PPP2R2B: variants seen among roughly 807,000 people sequenced by gnomAD.
The protein encoded by PPP2R2B is serine/threonine-protein phosphatase 2A 55 kDa regulatory subunit B beta isoform.
A neutral mutation model predicts 46.0 loss-of-function variants in PPP2R2B; 5 were observed. The observed-to-expected ratio is 0.11, with a 90% confidence interval of 0.06 to 0.23. The LOEUF is 0.23. Ranked by LOEUF, PPP2R2B falls within the 10% of genes least tolerant of loss-of-function variation. The probability of loss-of-function intolerance (pLI) is 1.00; values close to 1 mark genes in which losing one functional copy is unlikely to be tolerated. For missense variants in PPP2R2B, 367 were observed against 575.0 expected, an observed-to-expected ratio of 0.64 and a Z score of 3.70; for synonymous variants, 215 against 206.7, an observed-to-expected ratio of 1.04 and a Z score of -0.34.
At chr5:147,027,660 G>A (rs1182008773) in intron 1 of PPP2R2B, among the ~76,000 whole-genome samples, 1 of 150,904 alleles carries the variant, frequency 6.6e-6, no homozygotes, top group Non-Finnish European at 1.5e-5. Flanking sequence ...AATTTAGTGT[G>A]GATGGCTAAG....
chr5:146,789,371 G>T (rs914789236), intron 2 of PPP2R2B, among the ~76,000 whole-genome samples: 1 of 152,024 alleles, frequency 6.6e-6, no homozygotes, highest in Non-Finnish European at 1.5e-5. Flanking sequence ...TTTTAGAATC[G>T]AGTAACATGG....
chr5:146,908,897 G>A (rs912411589), intron 1 of PPP2R2B, among the ~76,000 whole-genome samples: 1 of 152,010 alleles, frequency 6.6e-6, no homozygotes, highest in Non-Finnish European at 1.5e-5. Context: ...AAACTCTTGG[G>A]CTCAAGTGAT....
At chr5:146,881,301 C>A (rs6580443), upstream of PPP2R2B, among the ~76,000 whole-genome samples, 19 of 152,036 alleles carry the variant, frequency 1.2e-4, no homozygotes, top group Middle Eastern at 3.4e-3. Context: ...TGTTTTCTGC[C>A]TCCACATTTT....
At chr5:146,795,811 GAAAAAGTCAATTTGCATGACT>G (rs1756495327) in intron 2 of PPP2R2B, among the ~76,000 whole-genome samples, 1 of 152,094 alleles carries the variant, frequency 6.6e-6, no homozygotes, top group Non-Finnish European at 1.5e-5. Flanking sequence ...TCTCAAAGCT[GAAAAAGTCAATTTGCATGACT>G]AAAAAACAGA....
chr5:146,752,188 G>A (rs915746380), intron 2 of PPP2R2B, among the ~76,000 whole-genome samples: 23 of 152,254 alleles, frequency 1.5e-4, no homozygotes, highest in African/African-American at 5.3e-4. Context: ...ATCAGCTTGA[G>A]ACGCTGTCAA....
intron 5 of PPP2R2B, among the ~76,000 whole-genome samples, chr5:146,687,129 C>T (rs762921783): frequency 2.0e-5 from 3 of 151,390 alleles, no homozygotes; most frequent in African/African-American, 7.3e-5. Context: ...AGCGATTGAT[C>T]GATTAATCCC....
intron 5 of PPP2R2B, among the ~76,000 whole-genome samples, chr5:146,658,083 A>G (rs1476646518): frequency 6.6e-6 from 1 of 152,048 alleles, no homozygotes; most frequent in Non-Finnish European, 1.5e-5. Flanking sequence ...GCAATATGTA[A>G]CCCCCTCCTT....
chr5:146,845,315 T>TTG lies in PPP2R2B; in HGVS notation c.70+32686_70+32687insCA, dbSNP rs1554144662. On this transcript the variant is annotated intron_variant, in intron 2 of 9. Coordinates refer to ENST00000394411, the MANE Select transcript of PPP2R2B (RefSeq NM_181675.4). The stretch of plus-strand genomic sequence containing the variant: ...TTTTCTTTTCCTTTTCTTTTTTTTG[T>TTG]TTTTTTTTGAGATGGAGTCTCACTC... 9.6e-5 allele frequency among the ~76,000 whole-genome samples: 12 copies of TTG among 125,522 alleles called. 1 individual carries two copies. The highest frequency in any genetic ancestry group is 2.3e-4 in the East Asian group (1 of 4,332). 82.3% of individuals were successfully genotyped at this position (125,522 alleles called of 152,430 possible). A position where few individuals can be genotyped will look rare whatever the true frequency, so the allele number is the denominator to read the frequency against.
chr5:146,715,587 A>G (rs575596424), intron 2 of PPP2R2B, among the ~76,000 whole-genome samples: 1 of 152,138 alleles, frequency 6.6e-6, no homozygotes, highest in Non-Finnish European at 1.5e-5. Context: ...CTTAATTGTC[A>G]CTCAAACTCC....
At chr5:146,648,051 C>G (rs1294328190) in intron 6 of PPP2R2B, among the ~76,000 whole-genome samples, 1 of 152,220 alleles carries the variant, frequency 6.6e-6, no homozygotes, top group African/African-American at 2.4e-5. Flanking sequence ...GACTAGCTAG[C>G]TGTGTACCAA....
chr5:146,711,108 A>G (rs1052660581), intron 2 of PPP2R2B, among the ~76,000 whole-genome samples: 1 of 152,192 alleles, frequency 6.6e-6, no homozygotes, highest in Admixed American at 6.5e-5. Flanking sequence ...ATTTATCACA[A>G]TGATATTAGA....
chr5:146,846,099 G>T (rs1759987121), intron 2 of PPP2R2B, among the ~76,000 whole-genome samples: 1 of 152,080 alleles, frequency 6.6e-6, no homozygotes, highest in Admixed American at 6.6e-5. Flanking sequence ...ATTTTATCTG[G>T]CCAGGTGCAG....
rs1770010376 is a variant in PPP2R2B, at chr5:146,583,812, T to A, written c.*6135A>T. ...AGCCCCTGTTCCCTTCTACTCCAGC[T>A]TCCTCAGTCTTCCATGACTCCCACA... is the stretch of plus-strand genomic sequence containing the variant. On this transcript the variant is annotated 3_prime_UTR_variant, in exon 10 of 10. Transcript: ENST00000394411. 1 of 152,226 alleles carries A rather than the reference T, an allele frequency of 6.6e-6. No homozygotes were observed. Among genetic ancestry groups the A allele is most frequent in the African/African-American group, 2.4e-5 (1 of 41,462 alleles). The allele number at this position is 152,226 out of a possible 1,614,324, so 9.4% of individuals were successfully genotyped here.
At chr5:146,684,878 C>T (rs1041198499) in intron 5 of PPP2R2B, among the ~76,000 whole-genome samples, 1 of 152,164 alleles carries the variant, frequency 6.6e-6, no homozygotes, top group African/African-American at 2.4e-5. Context: ...CCTTCTAAAC[C>T]AGCATCCCTA....
At chr5:146,996,402 T>C (rs1753924479) in intron 1 of PPP2R2B, among the ~76,000 whole-genome samples, 1 of 152,118 alleles carries the variant, frequency 6.6e-6, no homozygotes, top group Admixed American at 6.5e-5. Flanking sequence ...GGGTGGGCTA[T>C]AGTTTGCATG....
chr5:146,925,669 GATTA>G (rs963198925), intron 1 of PPP2R2B, among the ~76,000 whole-genome samples: 1 of 152,090 alleles, frequency 6.6e-6, no homozygotes, highest in African/African-American at 2.4e-5. Flanking sequence ...TGGGTGTATA[GATTA>G]ATTTTCTAAA....
At position 147,014,761 on chromosome 5, in the gene PPP2R2B, C is replaced by A. The variant is rs146344566; in HGVS notation, c.79+40904G>T. ...GGGTAGGGGGAGGGGGGAGGGATATCATTGGGAGATATACCTAATGCTAGA... is the reference window on the plus strand; with the variant it reads ...GGGTAGGGGGAGGGGGGAGGGATATAATTGGGAGATATACCTAATGCTAGA... On this transcript the variant is annotated intron_variant, in intron 1 of 8. Transcript: ENST00000336640. 0.011 allele frequency among the ~76,000 whole-genome samples: 1,617 copies of A among 151,596 alleles called. 91 individuals are homozygous for A. In the East Asian group the frequency reaches 0.17, roughly 16 times the overall value.
chr5:146,668,758 A>T (rs1220297362), intron 5 of PPP2R2B, among the ~76,000 whole-genome samples: 1 of 152,084 alleles, frequency 6.6e-6, no homozygotes, highest in African/African-American at 2.4e-5. Context: ...AGAACTCTGA[A>T]TCCTATCTAT....
rs970590623 is a variant in PPP2R2B at position 146,685,021 on chromosome 5, G to A, written c.447+6107C>T. Among the ~76,000 whole-genome samples, 4 of 152,098 alleles carry A rather than the reference G, an allele frequency of 2.6e-5. No homozygotes were observed. In the East Asian group the frequency reaches 7.7e-4, roughly 29 times the overall value. On this transcript the variant is annotated intron_variant, in intron 5 of 9. Coordinates refer to ENST00000394411, the MANE Select transcript of PPP2R2B (RefSeq NM_181675.4). ...ACTTGTCTCCTCCATGCCCCCTAAG[G>A]ACAGAGAGTGTGTTTCATTCATCTT...
Sources: allele counts gnomAD v4.1 joint callset (sites outside exome capture counted in the v4.1 genomes callset), GRCh38; gene constraint gnomAD v4.1.1; transcripts MANE v1.5; gene names NCBI Gene and HGNC (gene_info 2026-07-23, HGNC 2026-07-21).